RPP30: variants seen among roughly 807,000 people sequenced by gnomAD.
The protein encoded by RPP30 is ribonuclease P protein subunit p30.
RPP30 carries 36 observed loss-of-function variants against 38.6 expected under a neutral mutation model. That is an observed-to-expected ratio of 0.93 (90% CI 0.71 to 1.23). The LOEUF is 1.23. Among genes scored for constraint, RPP30 ranks in the 50% most tolerant of loss-of-function variants. The pLI, the probability that RPP30 is intolerant of heterozygous loss-of-function variation, is 0.00. For synonymous variants in RPP30, 126 were observed against 112.7 expected (o/e 1.12, Z -0.75); for missense variants, 321 against 321.7 (o/e 1.00, Z 0.02).
At chr10:90,882,865 C>G (rs1440231443) in intron 5 of RPP30, among the ~76,000 whole-genome samples, 1 of 152,178 alleles carries the variant, frequency 6.6e-6, no homozygotes, top group African/African-American at 2.4e-5. Context: ...AAATTCATGC[C>G]TTTCCTTTGC....
In RPP30 at chr10:90,885,340, C is replaced by T. The variant is rs951367385; in HGVS notation, c.343-472C>T. On this transcript the variant is annotated intron_variant, in intron 5 of 10. Coordinates refer to ENST00000371703, the MANE Select transcript of RPP30 (RefSeq NM_006413.5). ...CATATTTCTTTAGCTACTCAGTAGACTTGATAGGAGCCACAGCCCTGGGAC... is the reference window on the plus strand; with the variant it reads ...CATATTTCTTTAGCTACTCAGTAGATTTGATAGGAGCCACAGCCCTGGGAC... 3.9e-5 allele frequency among the ~76,000 whole-genome samples: 6 copies of T among 152,338 alleles called. No homozygotes were observed. In the South Asian group the frequency reaches 8.3e-4, roughly 21 times the overall value.
intron 6 of RPP30, among the ~76,000 whole-genome samples, chr10:90,886,388 A>C (rs1429559779): frequency 1.2e-4 from 18 of 152,232 alleles, no homozygotes. Context: ...AGTTACTTTT[A>C]TATGAACCTA....
downstream of RPP30, chr10:90,903,213 A>G (rs866951368): frequency 6.2e-7 from 1 of 1,605,526 alleles, no homozygotes; most frequent in Middle Eastern, 1.7e-4. Context: ...CAACAAAGAC[A>G]ACTTTTGATC....
chr10:90,879,271 C>A (rs1432171698), intron 5 of RPP30, 137 bp downstream of exon 5: 2 of 659,554 alleles, frequency 3.0e-6, no homozygotes, highest in African/African-American at 3.7e-5. Flanking sequence ...GTTTCTAGAA[C>A]CCCATAAGGG....
intron 6 of RPP30, among the ~76,000 whole-genome samples, chr10:90,887,070 T>G (rs901573621): frequency 6.6e-6 from 1 of 152,040 alleles, no homozygotes; most frequent in African/African-American, 2.4e-5. Flanking sequence ...TGGGATCAAG[T>G]GATCCTCCTA....
chr10:90,886,052 T>C, intron 6 of RPP30, 151 bp downstream of exon 6: 1 of 557,018 alleles, frequency 1.8e-6, no homozygotes, highest in Non-Finnish European at 3.1e-6. Context: ...TTTTGAAAGC[T>C]GAACAAAGGG....
rs778689359 is a variant in RPP30 at position 90,872,000 on chromosome 10, C to A, written c.14C>A (p.Ala5Glu). 1 of 1,613,836 alleles carries A rather than the reference C, an allele frequency of 6.2e-7. No homozygotes were observed. The highest frequency in any genetic ancestry group is 8.5e-7 in the Non-Finnish European group (1 of 1,179,884). The change falls in exon 1 of 11, where the codon GCA (alanine) becomes GAA (glutamate). Residue 5 changes from alanine to glutamate, a missense_variant. Transcript: ENST00000371703. ...TGGGACTTCAGCATGGCGGTGTTTGCAGATTTGGACCTGCGAGCGGGTTCT... is the reference window on the plus strand; with the variant it reads ...TGGGACTTCAGCATGGCGGTGTTTGAAGATTTGGACCTGCGAGCGGGTTCT... MAVF[A>E]DLDLRAGSDL...
intron 10 of RPP30, among the ~76,000 whole-genome samples, chr10:90,897,208 G>T (rs1156341420): frequency 6.6e-6 from 1 of 152,158 alleles, no homozygotes; most frequent in Non-Finnish European, 1.5e-5. Flanking sequence ...TCACTGTTTT[G>T]TCTTCGTTAT....
chr10:90,893,619 C>T (rs1242530761), intron 6 of RPP30, among the ~76,000 whole-genome samples: 1 of 152,146 alleles, frequency 6.6e-6, no homozygotes, highest in Non-Finnish European at 1.5e-5. Flanking sequence ...TATTTTTCTC[C>T]AGCATTTGAC....
chr10:90,879,202 T>G (rs1846891851), intron 5 of RPP30, 68 bp downstream of exon 5: 1 of 1,243,984 alleles, frequency 8.0e-7, no homozygotes, highest in African/African-American at 1.5e-5. Context: ...GTTCTGACTT[T>G]GTAGATGACC....
chr10:90,898,624 G>A (rs1237342451), intron 10 of RPP30, among the ~76,000 whole-genome samples: 8 of 152,126 alleles, frequency 5.3e-5, no homozygotes, highest in Admixed American at 2.6e-4. Context: ...TAAAGGGTCT[G>A]GAAGCCTCAT....
rs11186349 is a variant in RPP30, at chr10:90,884,461, A to G, written c.343-1351A>G. ...ATGATCGATAAAAAATGGTGAACAG[A>G]GCTGAATTTGTTTCAGCTATCATTC... is the stretch of plus-strand genomic sequence containing the variant. On this transcript the variant is annotated intron_variant, in intron 5 of 10. Transcript: ENST00000371703. Among the ~76,000 whole-genome samples the G allele has an allele frequency of 4.0e-3, 608 of 152,324 alleles. 1 individual carries two copies. Among genetic ancestry groups the G allele is most frequent in the East Asian group, 6.0e-3 (31 of 5,188 alleles).
At position 90,900,576 on chromosome 10, in the gene RPP30, GA is replaced by G; in HGVS notation, c.709del (p.Thr237LeufsTer9). 4 of 1,610,228 alleles carry G rather than the reference GA, an allele frequency of 2.5e-6. No individual in the cohort carries two copies. Among genetic ancestry groups the G allele is most frequent in the Non-Finnish European group, 3.4e-6 (4 of 1,178,704 alleles). ...CRAALLHGET[R>X]KTAFGIISTV... The stretch of plus-strand genomic sequence containing the variant: ...TTCCCTGTTTGTTTTACAGAAACTA[GA>G]AAAACTGCTTTTGGAATTATCTCTA... On this transcript the variant is annotated frameshift_variant, in exon 11 of 11. Coordinates refer to ENST00000371703, the MANE Select transcript of RPP30 (RefSeq NM_006413.5). LOFTEE classifies it high-confidence loss of function.
chr10:90,904,469 A>T (rs1207720426), downstream of RPP30, among the ~76,000 whole-genome samples: 3 of 152,174 alleles, frequency 2.0e-5, no homozygotes, highest in African/African-American at 7.2e-5. Flanking sequence ...AGGATTAAGT[A>T]GGTTAGTATT....
intron 1 of RPP30, 100 bp from the exon 2 acceptor site, chr10:90,874,769 A>C (rs530826747): frequency 5.9e-6 from 4 of 682,434 alleles, no homozygotes; most frequent in African/African-American, 5.5e-5. Context: ...CCACTCCTCA[A>C]ATGTCCTCCT....
intron 5 of RPP30, among the ~76,000 whole-genome samples, chr10:90,880,627 C>G (rs180903667): frequency 9.2e-5 from 14 of 152,098 alleles, no homozygotes; most frequent in Middle Eastern, 3.4e-3. Flanking sequence ...GGCTGAGGCA[C>G]GAGAATTGCT....
chr10:90,881,494 A>G (rs188508142), intron 5 of RPP30, among the ~76,000 whole-genome samples: 2 of 152,358 alleles, frequency 1.3e-5, no homozygotes, highest in Admixed American at 6.5e-5. Flanking sequence ...ACTTTGGAAG[A>G]TGGAAGAAAG....
intron 6 of RPP30, among the ~76,000 whole-genome samples, chr10:90,892,076 C>A (rs1489528863): frequency 6.6e-6 from 1 of 152,178 alleles, no homozygotes; most frequent in South Asian, 2.1e-4. Context: ...TATCTTGATT[C>A]AACTGTCACA....
chr10:90,874,275 T>A (rs1846821623), intron 1 of RPP30, among the ~76,000 whole-genome samples: 1 of 152,216 alleles, frequency 6.6e-6, no homozygotes, highest in South Asian at 2.1e-4. Context: ...GCCCTTGACC[T>A]CAAGGAGCTC....
Sources: allele counts gnomAD v4.1 joint callset (sites outside exome capture counted in the v4.1 genomes callset), GRCh38; gene constraint gnomAD v4.1.1; transcripts MANE v1.5; gene names NCBI Gene and HGNC (gene_info 2026-07-23, HGNC 2026-07-21).